The following MRPS28 variants were observed in gnomAD, a reference collection of about 807,000 sequenced individuals.
MRPS28 encodes the protein small ribosomal subunit protein bS1m.
Under a neutral mutation model 10.8 loss-of-function variants are expected in MRPS28, and 7 were observed. That is an observed-to-expected ratio of 0.65 (90% CI 0.37 to 1.22). MRPS28 has a LOEUF of 1.22. MRPS28 is among the 50% of genes most tolerant of loss of function. The pLI is 0.02. For missense variants in MRPS28, 265 were observed against 232.9 expected, an observed-to-expected ratio of 1.14 and a Z score of -0.90; for synonymous variants, 121 against 93.3, an observed-to-expected ratio of 1.30 and a Z score of -1.71.
At chr8:79,937,437 G>C (rs1254048887) in intron 2 of MRPS28, among the ~76,000 whole-genome samples, 1 of 152,110 alleles carries the variant, frequency 6.6e-6, no homozygotes, top group Non-Finnish European at 1.5e-5. Flanking sequence ...AGTTGTAGTA[G>C]GCAACCACAA....
chr8:79,943,052 G>A (rs1255921525), intron 2 of MRPS28, among the ~76,000 whole-genome samples: 1 of 152,132 alleles, frequency 6.6e-6, no homozygotes, highest in East Asian at 1.9e-4. Flanking sequence ...CCCCAACATT[G>A]CCTTTTCATA....
At chr8:80,024,375 A>T (rs371490697) in intron 1 of MRPS28, among the ~76,000 whole-genome samples, 4 of 152,342 alleles carry the variant, frequency 2.6e-5, no homozygotes, top group East Asian at 1.9e-4. Context: ...ACCTACAACC[A>T]CCATACAGAA....
intron 1 of MRPS28, among the ~76,000 whole-genome samples, chr8:80,017,640 T>C (rs1446643904): frequency 6.6e-6 from 1 of 152,210 alleles, no homozygotes; most frequent in African/African-American, 2.4e-5. Flanking sequence ...CCCAGGTCCA[T>C]ATGGGTTCAC....
chr8:79,942,597 G>C (rs139524673), intron 2 of MRPS28, among the ~76,000 whole-genome samples: 8 of 152,132 alleles, frequency 5.3e-5, no homozygotes, highest in Non-Finnish European at 1.0e-4. Context: ...TAGAAGTCTG[G>C]AGTCAGAGTT....
intron 1 of MRPS28, among the ~76,000 whole-genome samples, chr8:80,013,711 TTAAC>T (rs1179187784): frequency 6.6e-6 from 1 of 151,480 alleles, no homozygotes; most frequent in Non-Finnish European, 1.5e-5. Context: ...TATATATACT[TTAAC>T]TACTTCATAC....
intron 2 of MRPS28, among the ~76,000 whole-genome samples, chr8:79,924,005 G>A (rs1396420053): frequency 6.6e-6 from 1 of 152,118 alleles, no homozygotes; most frequent in Non-Finnish European, 1.5e-5. Flanking sequence ...ACTTAAAATA[G>A]AGAGAATCTC....
intron 2 of MRPS28, among the ~76,000 whole-genome samples, chr8:79,995,798 C>T (rs1808487553): frequency 6.6e-6 from 1 of 152,150 alleles, no homozygotes; most frequent in African/African-American, 2.4e-5. Context: ...CTGCTAGGTC[C>T]TTACTCAAAC....
At chr8:80,003,637 C>T (rs1412546618) in intron 1 of MRPS28, among the ~76,000 whole-genome samples, 5 of 152,178 alleles carry the variant, frequency 3.3e-5, no homozygotes, top group South Asian at 2.1e-4. Context: ...TGGTGCTTGT[C>T]GGACAGCGGG....
At chr8:79,945,189 C>A (rs1375474587) in intron 2 of MRPS28, among the ~76,000 whole-genome samples, 1 of 152,056 alleles carries the variant, frequency 6.6e-6, no homozygotes, top group African/African-American at 2.4e-5. Context: ...ACATGAAAAG[C>A]CTTTGGATAT....
At position 79,991,595 on chromosome 8, in the gene MRPS28, G is replaced by A. The variant is rs1586082301; in HGVS notation, c.395+11404C>T. ...AAGTAGTGTCTAATAATATATTAGA[G>A]ATGAAAATATTTTTAACACTGAAAA... On this transcript the variant is annotated intron_variant, in intron 2 of 2. Coordinates refer to ENST00000276585, the MANE Select transcript of MRPS28 (RefSeq NM_014018.3). Among the ~76,000 whole-genome samples, 3 of 152,176 alleles carry A rather than the reference G, an allele frequency of 2.0e-5. No homozygotes were observed. In the East Asian group the frequency reaches 5.8e-4, roughly 29 times the overall value.
At chr8:80,000,622 G>GT (rs1341267924) in intron 2 of MRPS28, among the ~76,000 whole-genome samples, 13 of 152,186 alleles carry the variant, frequency 8.5e-5, no homozygotes, top group African/African-American at 2.7e-4. Flanking sequence ...AATAAATGTT[G>GT]TAATAGATGC....
At chr8:80,019,160 ATTAT>A (rs922058469) in intron 1 of MRPS28, among the ~76,000 whole-genome samples, 2 of 151,956 alleles carry the variant, frequency 1.3e-5, no homozygotes, top group East Asian at 3.9e-4. Flanking sequence ...ATAAGCAATA[ATTAT>A]TTAACTGTAT....
intron 1 of MRPS28, among the ~76,000 whole-genome samples, chr8:80,013,832 G>A (rs992267053): frequency 7.9e-5 from 12 of 152,020 alleles, no homozygotes; most frequent in Admixed American, 5.2e-4. Context: ...TAAATGTTAC[G>A]CTCGCAACAG....
Position 80,030,218 on chromosome 8 carries a change from C to T in MRPS28, c.31G>A (p.Ala11Thr). MAALCRTRAVAAESHFLRVFL... is the reference protein window; with the variant it reads MAALCRTRAVTAESHFLRVFL... ...ACTCGCAGAAAATGGCTCTCGGCAG[C>T]CACAGCACGGGTCCGACACAGCGCC... Residue 11 changes from alanine to threonine, a missense_variant, in exon 1 of 3, where the codon GCT becomes ACT. Coordinates refer to ENST00000276585, the MANE Select transcript of MRPS28 (RefSeq NM_014018.3). 1 of 1,614,116 alleles carries T rather than the reference C, an allele frequency of 6.2e-7. No individual in the cohort carries two copies. The highest frequency in any genetic ancestry group is 8.5e-7 in the Non-Finnish European group (1 of 1,180,042).
At chr8:79,989,737 A>G (rs1447947650) in intron 2 of MRPS28, among the ~76,000 whole-genome samples, 1 of 152,168 alleles carries the variant, frequency 6.6e-6, no homozygotes, top group Non-Finnish European at 1.5e-5. Context: ...TTTGCTGATA[A>G]AGGCAGAAGA....
intron 2 of MRPS28, among the ~76,000 whole-genome samples, chr8:79,920,353 G>A (rs931179328): frequency 6.6e-6 from 1 of 152,098 alleles, no homozygotes; most frequent in Non-Finnish European, 1.5e-5. Context: ...CTAGATCCTT[G>A]AGGAATTGCC....
At chr8:79,936,066 G>C (rs1427344642) in intron 2 of MRPS28, among the ~76,000 whole-genome samples, 1 of 151,666 alleles carries the variant, frequency 6.6e-6, no homozygotes, top group Admixed American at 6.6e-5. Flanking sequence ...AATTAGAGGG[G>C]CCAGGTGTGG....
At chr8:79,965,602 T>C (rs1398975204) in intron 2 of MRPS28, among the ~76,000 whole-genome samples, 2 of 152,086 alleles carry the variant, frequency 1.3e-5, no homozygotes, top group African/African-American at 4.8e-5. Flanking sequence ...AAAAGTAAAA[T>C]GCTTTAACTG....
chr8:79,978,645 A>C (rs926180341), intron 2 of MRPS28, among the ~76,000 whole-genome samples: 5 of 152,228 alleles, frequency 3.3e-5, no homozygotes, highest in Non-Finnish European at 7.3e-5. Context: ...TTGACAATTG[A>C]AAAGAGAATT....
Sources: allele counts gnomAD v4.1 joint callset (sites outside exome capture counted in the v4.1 genomes callset), GRCh38; gene constraint gnomAD v4.1.1; transcripts MANE v1.5; gene names NCBI Gene and HGNC (gene_info 2026-07-23, HGNC 2026-07-21).